Variants in QTMAN observed in about 807,000 individuals in gnomAD.
The protein encoded by QTMAN is tRNA-queuosine alpha-mannosyltransferase.
the QTMAN span, among the ~76,000 whole-genome samples, chr2:143,975,399 T>C: frequency 6.6e-6 from 1 of 152,224 alleles, no homozygotes; most frequent in South Asian, 2.1e-4. Flanking sequence ...GGCAGAACAC[T>C]AGTTCTTTAT....
chr2:143,990,538 C>T, the QTMAN span, among the ~76,000 whole-genome samples: 1 of 152,158 alleles, frequency 6.6e-6, no homozygotes, highest in Non-Finnish European at 1.5e-5. Context: ...GAAAAGAATG[C>T]ATGGGAGAGA....
At chr2:143,960,157 T>A in the QTMAN span, among the ~76,000 whole-genome samples, 3 of 152,112 alleles carry the variant, frequency 2.0e-5, no homozygotes, top group Non-Finnish European at 2.9e-5. Flanking sequence ...CTTTGGGTCA[T>A]ATCAGGTTGT....
chr2:143,990,681 A>G, the QTMAN span, among the ~76,000 whole-genome samples: 1 of 152,306 alleles, frequency 6.6e-6, no homozygotes, highest in Admixed American at 6.5e-5. Context: ...TCCAGATACA[A>G]TTCAGGCAGG....
At chr2:144,193,257 A>G in the QTMAN span, among the ~76,000 whole-genome samples, 1 of 152,036 alleles carries the variant, frequency 6.6e-6, no homozygotes, top group Non-Finnish European at 1.5e-5. Flanking sequence ...AGTACCTAGT[A>G]GCAAAGTGTC....
chr2:144,262,971 A>C, the QTMAN span, among the ~76,000 whole-genome samples: 2 of 42,982 alleles, frequency 4.7e-5, no homozygotes, highest in South Asian at 1.1e-3. Flanking sequence ...GGAGAGGGGA[A>C]GGGAGGAGAG....
At chr2:144,180,708 T>C in the QTMAN span, among the ~76,000 whole-genome samples, 1 of 152,188 alleles carries the variant, frequency 6.6e-6, no homozygotes, top group Admixed American at 6.5e-5. Context: ...GTTTGTTGTA[T>C]TTAGGTCCCA....
the QTMAN span, among the ~76,000 whole-genome samples, chr2:144,139,302 G>A: frequency 5.9e-5 from 9 of 152,148 alleles, no homozygotes; most frequent in African/African-American, 1.7e-4. Context: ...TCTATATTCA[G>A]ATGCCAATAA....
chr2:143,999,121 T>C, the QTMAN span, among the ~76,000 whole-genome samples: 1 of 152,044 alleles, frequency 6.6e-6, no homozygotes, highest in Non-Finnish European at 1.5e-5. Flanking sequence ...GTCTCTGTCC[T>C]GAAAAACCTT....
the QTMAN span, among the ~76,000 whole-genome samples, chr2:144,215,248 TTAAA>T: frequency 3.4e-5 from 5 of 147,652 alleles, no homozygotes; most frequent in African/African-American, 1.3e-4. Context: ...TCTTTATTTT[TTAAA>T]AAAAAAAAAA....
chr2:144,095,765 G>A, the QTMAN span, among the ~76,000 whole-genome samples: 5 of 151,952 alleles, frequency 3.3e-5, no homozygotes, highest in Non-Finnish European at 4.4e-5. Flanking sequence ...TCTATTGCTC[G>A]GTTTTATGGT....
the QTMAN span, among the ~76,000 whole-genome samples, chr2:144,328,837 C>T: frequency 6.6e-6 from 1 of 152,188 alleles, no homozygotes; most frequent in Admixed American, 6.5e-5. Flanking sequence ...ACATGTTCAA[C>T]TAGGAATCAG....
the QTMAN span, among the ~76,000 whole-genome samples, chr2:144,212,603 G>A: frequency 6.1e-4 from 93 of 152,222 alleles, no homozygotes; most frequent in African/African-American, 2.0e-3. Flanking sequence ...TCTGCATGGC[G>A]CTCAGAATAG....
At chr2:144,101,694 T>A in the QTMAN span, among the ~76,000 whole-genome samples, 7 of 151,958 alleles carry the variant, frequency 4.6e-5, no homozygotes, top group Non-Finnish European at 1.0e-4. Context: ...TATAAATAAA[T>A]ATATATAATA....
the QTMAN span, among the ~76,000 whole-genome samples, chr2:144,244,846 T>C: frequency 1.3e-5 from 2 of 152,126 alleles, no homozygotes; most frequent in African/African-American, 4.8e-5. Context: ...ATACCGTTCA[T>C]ATGTGATGCC....
At chr2:144,026,678 G>C in the QTMAN span, among the ~76,000 whole-genome samples, 3 of 152,110 alleles carry the variant, frequency 2.0e-5, no homozygotes, top group East Asian at 5.8e-4. Flanking sequence ...ACATCTCTGG[G>C]CTTCAGTTTC....
At chr2:144,114,595 A>G in the QTMAN span, among the ~76,000 whole-genome samples, 2 of 152,222 alleles carry the variant, frequency 1.3e-5, no homozygotes, top group African/African-American at 4.8e-5. Context: ...CGTGTTTTAC[A>G]AGACCTTAAC....
At chr2:143,948,420 G>A in the QTMAN span, among the ~76,000 whole-genome samples, 1 of 152,044 alleles carries the variant, frequency 6.6e-6, no homozygotes, top group African/African-American at 2.4e-5. Flanking sequence ...CTCTCAAAAA[G>A]CAAGAATGGC....
the QTMAN span, among the ~76,000 whole-genome samples, chr2:144,293,004 AAAT>A: frequency 6.6e-6 from 1 of 152,208 alleles, no homozygotes; most frequent in Non-Finnish European, 1.5e-5. Context: ...ATTTTGTAAA[AAAT>A]AATAATATTT....
At chr2:144,068,134 T>TAC in the QTMAN span, among the ~76,000 whole-genome samples, 21 of 152,204 alleles carry the variant, frequency 1.4e-4, no homozygotes, top group African/African-American at 4.8e-4. Flanking sequence ...CATACACACA[T>TAC]ACACACACAC....
Sources: allele counts gnomAD v4.1 joint callset (sites outside exome capture counted in the v4.1 genomes callset), GRCh38; gene constraint gnomAD v4.1.1; transcripts MANE v1.5; gene names NCBI Gene and HGNC (gene_info 2026-07-23, HGNC 2026-07-21).